PRKACB: variants seen among roughly 807,000 people sequenced by gnomAD.
PRKACB encodes protein kinase cAMP-activated catalytic subunit beta.
A neutral mutation model predicts 51.4 loss-of-function variants in PRKACB; 16 were observed. That is an observed-to-expected ratio of 0.31 (90% confidence interval 0.21 to 0.47). PRKACB has a LOEUF of 0.47. PRKACB is among the 20% of genes least tolerant of loss of function. The pLI, the probability that PRKACB is intolerant of heterozygous loss-of-function variation, is 1.00. For missense variants in PRKACB, 309 were observed against 464.5 expected, an observed-to-expected ratio of 0.67 and a Z score of 3.08; for synonymous variants, 147 against 154.4, an observed-to-expected ratio of 0.95 and a Z score of 0.35.
chr1:84,196,809 A>G lies in PRKACB; in HGVS notation c.687+67A>G, dbSNP rs563981365. The G allele has an allele frequency of 4.8e-6, 7 of 1,450,718 alleles. No homozygotes were observed. The Admixed American group carries it at 1.4e-4, about 28-fold the overall frequency. The allele number at this position is 1,450,718 out of a possible 1,614,324, so 89.9% of individuals were successfully genotyped here. A position where few individuals can be genotyped will look rare whatever the true frequency, so the allele number is the denominator to read the frequency against. ...ACTAGGCAAGACATTGTATGTATGT[A>G]ACCCCAACTTGGAATTTTTTTTGAA... On this transcript the variant is annotated intron_variant, in intron 6 of 9. Transcript: ENST00000370685.
rs1275204023 is a variant in PRKACB, at chr1:84,159,161, A to T, written c.187+14613A>T. ...ATATAAATTTCTGGATCAATTTGTC[A>T]GTTTCTAAAGAAAAGCTTTATTAGA... On this transcript the variant is annotated intron_variant, in intron 1 of 9. Transcript: ENST00000370685. Among the ~76,000 whole-genome samples, 19 of 152,218 alleles carry T rather than the reference A, an allele frequency of 1.2e-4. No individual in the cohort carries two copies. In the East Asian group the frequency reaches 3.7e-3, roughly 29 times the overall value.
intron 7 of PRKACB, among the ~76,000 whole-genome samples, chr1:84,199,117 A>G (rs79776614): frequency 5.8e-3 from 352 of 60,306 alleles, no homozygotes; most frequent in African/African-American, 0.015. Context: ...ATATATATGC[A>G]TATATATATA....
chr1:84,131,343 T>C (rs1345370384), intron 1 of PRKACB, among the ~76,000 whole-genome samples: 2 of 17,084 alleles, frequency 1.2e-4, no homozygotes, highest in East Asian at 2.5e-3. Context: ...AAACTCCATC[T>C]CAAAAAAAAA....
At chr1:84,217,827 T>C (rs1038574971) in intron 9 of PRKACB, among the ~76,000 whole-genome samples, 2 of 152,144 alleles carry the variant, frequency 1.3e-5, no homozygotes, top group Admixed American at 6.6e-5. Context: ...CCACAATAAG[T>C]GTATCTATCG....
At chr1:84,203,492 T>C (rs1266958269) in intron 8 of PRKACB, among the ~76,000 whole-genome samples, 3 of 151,998 alleles carry the variant, frequency 2.0e-5, no homozygotes, top group Non-Finnish European at 4.4e-5. Context: ...TGCTGTTGCC[T>C]TAGCTCAGAC....
At chr1:84,193,654 T>C (rs1667423429) in intron 5 of PRKACB, among the ~76,000 whole-genome samples, 2 of 152,134 alleles carry the variant, frequency 1.3e-5, no homozygotes, top group African/African-American at 4.8e-5. Context: ...GTTGTTTCAG[T>C]AGCTATTAGA....
upstream of PRKACB, among the ~76,000 whole-genome samples, chr1:84,143,833 G>C (rs1653680780): frequency 6.6e-6 from 1 of 151,824 alleles, no homozygotes; most frequent in Non-Finnish European, 1.5e-5. Context: ...AATTTGTTTT[G>C]CAAGAGTTTT....
intron 1 of PRKACB, 117 bp from the exon 2 acceptor site, chr1:84,179,060 A>G (rs745946164): frequency 1.7e-6 from 2 of 1,195,956 alleles, no homozygotes; most frequent in Non-Finnish European, 2.3e-6. Context: ...TATACATTTT[A>G]TCACAATAGA....
intron 1 of PRKACB, among the ~76,000 whole-genome samples, chr1:84,154,665 A>G (rs192916270): frequency 6.6e-6 from 1 of 152,288 alleles, no homozygotes; most frequent in Admixed American, 6.5e-5. Flanking sequence ...AATTCTCAAC[A>G]AAATACTAGC....
At chr1:84,177,116 A>G (rs945245600) in intron 1 of PRKACB, among the ~76,000 whole-genome samples, 1 of 151,978 alleles carries the variant, frequency 6.6e-6, no homozygotes, top group African/African-American at 2.4e-5. Flanking sequence ...TAAATTATTT[A>G]TACTCATATA....
chr1:84,171,810 A>G (rs769494018), intron 1 of PRKACB, among the ~76,000 whole-genome samples: 6 of 151,644 alleles, frequency 4.0e-5, no homozygotes, highest in Non-Finnish European at 5.9e-5. Flanking sequence ...AATTGATAAC[A>G]GAATCTGGCA....
intron 9 of PRKACB, among the ~76,000 whole-genome samples, chr1:84,233,104 G>T (rs1288394392): frequency 6.6e-6 from 1 of 151,684 alleles, no homozygotes; most frequent in Non-Finnish European, 1.5e-5. Context: ...TTTAGGGCAG[G>T]CCTGGTGGTG....
At chr1:84,199,244 A>C (rs1396386760) in intron 7 of PRKACB, among the ~76,000 whole-genome samples, 1 of 151,586 alleles carries the variant, frequency 6.6e-6, no homozygotes, top group Non-Finnish European at 1.5e-5. Context: ...AGATTATTTC[A>C]TCACTCAGGA....
intron 1 of PRKACB, among the ~76,000 whole-genome samples, chr1:84,103,253 T>C (rs1247374268): frequency 2.0e-5 from 3 of 152,182 alleles, no homozygotes; most frequent in Non-Finnish European, 4.4e-5. Flanking sequence ...GGGCTGGGTT[T>C]CTCATTGCTT....
chr1:84,078,121 G>T, upstream of PRKACB: 1 of 481,804 alleles, frequency 2.1e-6, no homozygotes. Flanking sequence ...CGCCGCCGCC[G>T]CTGCTGCTGC....
intron 8 of PRKACB, chr1:84,205,179 T>G (rs1259529179): frequency 1.6e-5 from 16 of 983,648 alleles, no homozygotes; most frequent in Non-Finnish European, 1.8e-5. Context: ...TCTTACTCCC[T>G]TTACTCATCT....
chr1:84,193,845 C>A (rs186624570), intron 5 of PRKACB, among the ~76,000 whole-genome samples: 1 of 152,052 alleles, frequency 6.6e-6, no homozygotes, highest in African/African-American at 2.4e-5. Flanking sequence ...TAAATACTGG[C>A]ATAACTAAAA....
At chr1:84,081,879 G>A (rs1347638341) in intron 1 of PRKACB, among the ~76,000 whole-genome samples, 4 of 152,190 alleles carry the variant, frequency 2.6e-5, no homozygotes, top group Admixed American at 2.0e-4. Flanking sequence ...ATGTGACCTA[G>A]TGTTCGCATA....
At chr1:84,234,116 T>C (rs1227458789) in intron 9 of PRKACB, among the ~76,000 whole-genome samples, 3 of 151,920 alleles carry the variant, frequency 2.0e-5, no homozygotes, top group Non-Finnish European at 4.4e-5. Flanking sequence ...TTCTGTTTGT[T>C]AGTTTTCCTT....
Sources: allele counts gnomAD v4.1 joint callset (sites outside exome capture counted in the v4.1 genomes callset), GRCh38; gene constraint gnomAD v4.1.1; transcripts MANE v1.5; gene names NCBI Gene and HGNC (gene_info 2026-07-23, HGNC 2026-07-21).